NCOA6: variants seen among roughly 807,000 people sequenced by gnomAD.
The protein encoded by NCOA6 is nuclear receptor coactivator 6, also known as NRC RAP250.
A neutral mutation model predicts 171.4 loss-of-function variants in NCOA6; 49 were observed. The ratio of observed to expected loss-of-function variants is 0.29; its 90% CI spans 0.23 to 0.36. The LOEUF (loss-of-function observed/expected upper bound fraction) is 0.36, where lower values mean the gene tolerates loss of function less well. Ranked by LOEUF, NCOA6 falls within the 10% of genes least tolerant of loss-of-function variation. NCOA6 has a pLI of 1.00. For missense variants in NCOA6, 2,248 were observed against 2,554.5 expected (o/e 0.88, Z 2.59); for synonymous variants, 910 against 927.5 (o/e 0.98, Z 0.34).
At chr20:34,807,025 G>A (rs1210825182) in intron 1 of NCOA6, among the ~76,000 whole-genome samples, 1 of 152,138 alleles carries the variant, frequency 6.6e-6, no homozygotes, top group South Asian at 2.1e-4. Flanking sequence ...TCCTGAGTAT[G>A]GACTGGCCTG....
At chr20:34,804,686 G>T (rs183583164) in intron 1 of NCOA6, among the ~76,000 whole-genome samples, 1 of 151,448 alleles carries the variant, frequency 6.6e-6, no homozygotes, top group Non-Finnish European at 1.5e-5. Flanking sequence ...TGTTACTTCC[G>T]CTTTCTTTTT....
At position 34,727,511 on chromosome 20, in the gene NCOA6, T is replaced by G. The variant is rs1990108074; in HGVS notation, c.6000-104A>C. On this transcript the variant is annotated intron_variant, in intron 13 of 14. Transcript: ENST00000359003. Reference sequence around the variant, plus strand: ...ATTCGTAAAGTAGGAGACTAAGAACTATATAGTTATTCTGGAGAGAAAGCA... The same window carrying G: ...ATTCGTAAAGTAGGAGACTAAGAACGATATAGTTATTCTGGAGAGAAAGCA... 4 of 1,229,884 alleles carry G rather than the reference T, an allele frequency of 3.3e-6. No individual in the cohort carries two copies. The African/African-American group carries it at 6.0e-5, about 19-fold the overall frequency. The allele number at this position is 1,229,884 out of a possible 1,614,324, so 76.2% of individuals were successfully genotyped here.
chr20:34,745,112 T>C (rs2076265373), intron 10 of NCOA6, among the ~76,000 whole-genome samples: 1 of 152,262 alleles, frequency 6.6e-6, no homozygotes, highest in Non-Finnish European at 1.5e-5. Flanking sequence ...ACTGAATTTA[T>C]TACTCAGGGA....
At chr20:34,767,452 C>T (rs947691830) in intron 5 of NCOA6, among the ~76,000 whole-genome samples, 4 of 152,060 alleles carry the variant, frequency 2.6e-5, no homozygotes, top group Non-Finnish European at 4.4e-5. Context: ...CCTGCCACCA[C>T]ACCTAGCTAA....
intron 2 of NCOA6, among the ~76,000 whole-genome samples, chr20:34,785,351 T>C (rs2077641008): frequency 6.6e-6 from 1 of 151,662 alleles, no homozygotes; most frequent in African/African-American, 2.4e-5. Context: ...TCCTAGCACT[T>C]TGGGAGGCAG....
In NCOA6 at chr20:34,804,455, C is replaced by T. The variant is rs1055246502; in HGVS notation, c.-163-11892G>A. On this transcript the variant is annotated intron_variant, in intron 1 of 14. Coordinates refer to ENST00000359003, the MANE Select transcript of NCOA6 (RefSeq NM_014071.5). ...CTGGGAGGTTGAGGCTGCAGTGAGC[C>T]ATGACTGCATCACTGTACTCCAGCA... is the stretch of plus-strand genomic sequence containing the variant. Among the ~76,000 whole-genome samples, 7 of 147,518 alleles carry T rather than the reference C, an allele frequency of 4.7e-5. No homozygotes were observed. The South Asian group carries it at 1.5e-3, about 31-fold the overall frequency.
chr20:34,823,786 T>C (rs2079075476), intron 1 of NCOA6, among the ~76,000 whole-genome samples: 1 of 152,150 alleles, frequency 6.6e-6, no homozygotes, highest in Non-Finnish European at 1.5e-5. Context: ...CATTGCAGCC[T>C]TGACCTCCCA....
At chr20:34,716,742 G>A (rs1600706878) in intron 14 of NCOA6, among the ~76,000 whole-genome samples, 2 of 151,390 alleles carry the variant, frequency 1.3e-5, no homozygotes, top group South Asian at 4.2e-4. Flanking sequence ...CTCCAGCCTG[G>A]GTGACAGAGA....
rs746869260 is a variant in NCOA6, at chr20:34,741,962, T to C, written c.4294A>G (p.Ser1432Gly). ...PQDSDCQNSQ[S>G]RKEQVNIELK... Reference sequence around the variant, plus strand: ...TCAATGTTTACCTGTTCCTTCCTACTCTGGGAATTCTGGCAATCACTGTCC... The same window carrying C: ...TCAATGTTTACCTGTTCCTTCCTACCCTGGGAATTCTGGCAATCACTGTCC... Residue 1432 changes from serine to glycine, a missense_variant, in exon 11 of 15, where the codon AGT becomes GGT. Around this residue, in one of 7 missense-constraint regions of NCOA6, gnomAD observed 884 missense variants for 941.9 expected, o/e 0.94. Transcript: ENST00000359003. 6.2e-7 allele frequency: 1 copy of C among 1,614,224 alleles called. No homozygotes were observed. The highest frequency in any genetic ancestry group is 1.1e-5 in the South Asian group (1 of 91,086).
In NCOA6 at chr20:34,811,201, GTATATATATA is replaced by G. The variant is rs10700283; in HGVS notation, c.-164+14261_-164+14270del. ...TATTTAACAACAACAACAACAACGT[GTATATATATA>G]TATATATATATATATATATATATAT... On this transcript the variant is annotated intron_variant, in intron 1 of 14. Coordinates refer to ENST00000359003, the MANE Select transcript of NCOA6 (RefSeq NM_014071.5). Among the ~76,000 whole-genome samples, 64 of 53,842 alleles carry G rather than the reference GTATATATATA, an allele frequency of 1.2e-3. 2 individuals are homozygous for G. The highest frequency in any genetic ancestry group is 0.024 in the Middle Eastern group (2 of 82). 35.3% of individuals were successfully genotyped at this position (53,842 alleles called of 152,430 possible).
chr20:34,778,051 CAT>C (rs2077391294), intron 3 of NCOA6, among the ~76,000 whole-genome samples: 1 of 152,074 alleles, frequency 6.6e-6, no homozygotes, highest in African/African-American at 2.4e-5. Flanking sequence ...ACTACAGGTG[CAT>C]GCCACCACGC....
chr20:34,813,335 G>A (rs1019504782), intron 1 of NCOA6, among the ~76,000 whole-genome samples: 8 of 148,138 alleles, frequency 5.4e-5, no homozygotes, highest in African/African-American at 1.7e-4. Flanking sequence ...GCATGGTGGC[G>A]GGCACCTGTA....
At chr20:34,787,526 T>TAA (rs201010544) in intron 2 of NCOA6, among the ~76,000 whole-genome samples, 2 of 138,524 alleles carry the variant, frequency 1.4e-5, no homozygotes, top group East Asian at 4.1e-4. Context: ...TTCCCGCTCT[T>TAA]AAAAAAAAAA....
chr20:34,758,234 AT>A, intron 6 of NCOA6, 130 bp from the exon 7 acceptor site: 1 of 1,230,738 alleles, frequency 8.1e-7, no homozygotes. Flanking sequence ...ATGCTTGTGA[AT>A]ACCTTCTATG....
intron 2 of NCOA6, among the ~76,000 whole-genome samples, chr20:34,786,854 AC>A (rs1379374106): frequency 6.6e-6 from 1 of 152,160 alleles, no homozygotes; most frequent in African/African-American, 2.4e-5. Flanking sequence ...TAAATGTAAA[AC>A]CCAAAACTAA....
chr20:34,765,478 A>T (rs1319878526), intron 5 of NCOA6, among the ~76,000 whole-genome samples: 1 of 151,876 alleles, frequency 6.6e-6, no homozygotes, highest in Non-Finnish European at 1.5e-5. Context: ...TTCTTGGTCC[A>T]TAATGAGCTT....
intron 12 of NCOA6, among the ~76,000 whole-genome samples, chr20:34,734,590 C>T (rs976579408): frequency 6.6e-6 from 1 of 152,166 alleles, no homozygotes; most frequent in African/African-American, 2.4e-5. Context: ...AATCAATCCT[C>T]CCATCTCAGC....
chr20:34,818,234 A>G (rs1490833435), intron 1 of NCOA6, among the ~76,000 whole-genome samples: 1 of 152,216 alleles, frequency 6.6e-6, no homozygotes, highest in Non-Finnish European at 1.5e-5. Flanking sequence ...TTGTGCCTAT[A>G]ATCCTAGCAA....
At position 34,793,386 on chromosome 20, in the gene NCOA6, T is replaced by G. The variant is rs371866665; in HGVS notation, c.-163-823A>C. Among the ~76,000 whole-genome samples, 103 of 152,352 alleles carry G rather than the reference T, an allele frequency of 6.8e-4. 3 individuals are homozygous for G. The South Asian group carries it at 0.021, about 31-fold the overall frequency. On this transcript the variant is annotated intron_variant, in intron 1 of 14. Transcript: ENST00000359003. ...GTTTTAGGTGTAAGTTTTTTTCCTA[T>G]TTTATCCATAATATCTATACATTAT... is the stretch of plus-strand genomic sequence containing the variant.
Sources: allele counts gnomAD v4.1 joint callset (sites outside exome capture counted in the v4.1 genomes callset), GRCh38; gene constraint gnomAD v4.1.1; regional missense constraint gnomAD v4.1.1; transcripts MANE v1.5; gene names NCBI Gene and HGNC (gene_info 2026-07-23, HGNC 2026-07-21).